The following ANO10 variants were observed in gnomAD, a reference collection of about 807,000 sequenced individuals.
ANO10 encodes the protein anoctamin-10.
Under a neutral mutation model 74.7 loss-of-function variants are expected in ANO10, and 77 were observed. The ratio of observed to expected loss-of-function variants is 1.03; its 90% CI spans 0.86 to 1.25. The LOEUF (loss-of-function observed/expected upper bound fraction) is 1.25, where lower values mean the gene tolerates loss of function less well. Among genes scored for constraint, ANO10 ranks in the 50% most tolerant of loss-of-function variants. ANO10 has a pLI of 0.00. For synonymous variants in ANO10, 279 were observed against 284.9 expected (o/e 0.98, Z 0.21); for missense variants, 721 against 778.1 (o/e 0.93, Z 0.87).
intron 1 of ANO10, among the ~76,000 whole-genome samples, chr3:43,681,477 A>C (rs1167413115): frequency 1.4e-5 from 1 of 71,156 alleles, no homozygotes; most frequent in African/African-American, 5.2e-5. Context: ...CACAATAATA[A>C]TGGGAGACTT....
At chr3:43,535,995 C>A (rs963302070) in intron 11 of ANO10, among the ~76,000 whole-genome samples, 4 of 152,118 alleles carry the variant, frequency 2.6e-5, no homozygotes, top group African/African-American at 9.7e-5. Context: ...TGTTTGTTAT[C>A]CAATTGACAA....
chr3:43,650,932 C>A (rs2083780347), intron 1 of ANO10, among the ~76,000 whole-genome samples: 1 of 152,154 alleles, frequency 6.6e-6, no homozygotes, highest in Non-Finnish European at 1.5e-5. Context: ...TCATAAGGAG[C>A]ACAATAGCAT....
intron 11 of ANO10, chr3:43,486,028 A>G: frequency 3.7e-6 from 1 of 269,198 alleles, no homozygotes; most frequent in Admixed American, 4.7e-5. Flanking sequence ...CAGCAGACAG[A>G]AGTGGCCTTG....
chr3:43,530,793 T>C (rs1477942687), intron 11 of ANO10, among the ~76,000 whole-genome samples: 1 of 152,202 alleles, frequency 6.6e-6, no homozygotes, highest in East Asian at 1.9e-4. Context: ...AAAAACAGTG[T>C]ATACAGGGTT....
At chr3:43,456,281 A>G (rs2149010976) in intron 11 of ANO10, among the ~76,000 whole-genome samples, 1 of 152,356 alleles carries the variant, frequency 6.6e-6, no homozygotes, top group South Asian at 2.1e-4. Context: ...TACAAAATGT[A>G]TATATTTTAA....
intron 11 of ANO10, among the ~76,000 whole-genome samples, chr3:43,499,786 C>A (rs938900338): frequency 1.3e-5 from 2 of 151,670 alleles, no homozygotes; most frequent in African/African-American, 4.9e-5. Context: ...CCTGTGCTAC[C>A]TACAAAATAT....
intron 11 of ANO10, among the ~76,000 whole-genome samples, chr3:43,435,354 C>A (rs1430010997): frequency 5.9e-5 from 9 of 152,036 alleles, no homozygotes; most frequent in Admixed American, 5.9e-4. Flanking sequence ...ACTAGAAATA[C>A]AAAAATTAGC....
At chr3:43,549,420 C>T (rs1468174591) in intron 11 of ANO10, among the ~76,000 whole-genome samples, 2 of 152,100 alleles carry the variant, frequency 1.3e-5, no homozygotes, top group East Asian at 1.9e-4. Context: ...GGATTACAGA[C>T]GTGAGCCATG....
chr3:43,535,575 C>G (rs2078678424), intron 11 of ANO10, among the ~76,000 whole-genome samples: 2 of 152,048 alleles, frequency 1.3e-5, no homozygotes, highest in African/African-American at 4.8e-5. Context: ...CGCCTGGCCT[C>G]CTAGACATTC....
At chr3:43,376,051 T>A (rs1404707507) in intron 12 of ANO10, among the ~76,000 whole-genome samples, 1 of 152,194 alleles carries the variant, frequency 6.6e-6, no homozygotes, top group African/African-American at 2.4e-5. Context: ...CCAGATGTGT[T>A]CTGATGGCCT....
chr3:43,650,798 T>C (rs1381252859), intron 1 of ANO10, among the ~76,000 whole-genome samples: 1 of 152,216 alleles, frequency 6.6e-6, no homozygotes, highest in Non-Finnish European at 1.5e-5. Context: ...GTCTGATAAA[T>C]TGTGTGTTGT....
intron 11 of ANO10, among the ~76,000 whole-genome samples, chr3:43,495,682 G>C (rs1345709221): frequency 6.6e-6 from 1 of 151,848 alleles, no homozygotes; most frequent in African/African-American, 2.4e-5. Context: ...ACAACATTTT[G>C]CCTATCCAAT....
intron 1 of ANO10, among the ~76,000 whole-genome samples, chr3:43,662,525 C>T (rs1020320987): frequency 3.3e-5 from 5 of 152,026 alleles, no homozygotes; most frequent in African/African-American, 1.2e-4. Context: ...CAAACAAATT[C>T]AACAGCTAGC....
chr3:43,457,367 C>A (rs548542883), intron 11 of ANO10, among the ~76,000 whole-genome samples: 1 of 152,358 alleles, frequency 6.6e-6, no homozygotes, highest in South Asian at 2.1e-4. Context: ...ACTCACAGTT[C>A]TGCATGGCTG....
At chr3:43,391,872 G>C (rs2092281963) in intron 12 of ANO10, among the ~76,000 whole-genome samples, 1 of 152,192 alleles carries the variant, frequency 6.6e-6, no homozygotes, top group South Asian at 2.1e-4. Context: ...GCCATGTGTA[G>C]ATTCAAAGAA....
intron 1 of ANO10, among the ~76,000 whole-genome samples, chr3:43,643,715 G>A (rs1398063423): frequency 4.6e-5 from 6 of 129,400 alleles, no homozygotes; most frequent in Non-Finnish European, 9.2e-5. Flanking sequence ...ATGGAGTCTC[G>A]CTCTGTCGCC....
In ANO10 at chr3:43,555,341, T is replaced by G; in HGVS notation, c.1605A>C (p.Leu535Phe). 1 of 1,614,188 alleles carries G rather than the reference T, an allele frequency of 6.2e-7. No individual in the cohort carries two copies. The highest frequency in any genetic ancestry group is 8.5e-7 in the Non-Finnish European group (1 of 1,180,032). ...NNFTEVNSDA[L>F]KMCRVFKRPF... ...GACGTTTGAAGACCCTGCACATTTT[T>G]AAGGCATCTGAATTTACTTCAGTGA... The change falls in exon 10 of 13, where the codon TTA becomes TTC. Residue 535 changes from leucine (L) to phenylalanine (F), a missense_variant. Physicochemically the swap from Leu to Phe is conservative, Grantham distance 22 (BLOSUM62 0). Transcript: ENST00000292246.
In ANO10 at chr3:43,586,758, T is replaced by TAAA. The variant is rs150642301; in HGVS notation, c.473-6289_473-6287dup. On this transcript the variant is annotated intron_variant, in intron 4 of 12. Coordinates refer to ENST00000292246, the MANE Select transcript of ANO10 (RefSeq NM_018075.5). ...CATGCAAACATTCCATCTTTGAAAT[T>TAAA]AAAACTCAAAGAGGACCTCTGAGAG... Among the ~76,000 whole-genome samples, 788 of 152,036 alleles carry TAAA rather than the reference T, an allele frequency of 5.2e-3. 5 individuals carry two copies. Among genetic ancestry groups the TAAA allele is most frequent in the African/African-American group, 0.018 (759 of 41,486 alleles).
intron 11 of ANO10, among the ~76,000 whole-genome samples, chr3:43,498,180 C>A (rs144951741): frequency 8.6e-4 from 131 of 152,306 alleles, no homozygotes; most frequent in Middle Eastern, 6.8e-3. Context: ...GTATGTGCAG[C>A]AGGATAAGAC....
Sources: gnomAD v4.1 joint callset for allele counts (sites outside exome capture counted in the v4.1 genomes callset) on GRCh38, gnomAD v4.1.1 for gene constraint, MANE v1.5 for transcripts, NCBI Gene and HGNC (gene_info 2026-07-23, HGNC 2026-07-21) for gene names.